CACNA1A: variants seen among roughly 807,000 people sequenced by gnomAD.
The protein encoded by CACNA1A is voltage-dependent P/Q-type calcium channel subunit alpha-1A.
Under a neutral mutation model 262.4 loss-of-function variants are expected in CACNA1A, and 57 were observed. That is an observed-to-expected ratio of 0.22 (90% CI 0.18 to 0.27). The LOEUF is 0.27. Ranked by LOEUF, CACNA1A falls within the 10% of genes least tolerant of loss-of-function variation. The pLI, the probability that CACNA1A is intolerant of heterozygous loss-of-function variation, is 1.00. For missense variants in CACNA1A, 2,526 were observed against 3,562.8 expected, an observed-to-expected ratio of 0.71 and a Z score of 7.41; for synonymous variants, 1,431 against 1,419.3, an observed-to-expected ratio of 1.01 and a Z score of -0.18.
At chr19:13,299,801 G>A (rs550016120) in intron 18 of CACNA1A, among the ~76,000 whole-genome samples, 2 of 152,100 alleles carry the variant, frequency 1.3e-5, no homozygotes, top group Non-Finnish European at 2.9e-5. Flanking sequence ...TAGGTGAGCA[G>A]TCCCCAACCT....
At chr19:13,501,246 C>T (rs1053796651) in intron 1 of CACNA1A, among the ~76,000 whole-genome samples, 13 of 151,108 alleles carry the variant, frequency 8.6e-5, no homozygotes, top group Non-Finnish European at 1.6e-4. Flanking sequence ...GGTGCAATCT[C>T]GGCTCACTGC....
intron 3 of CACNA1A, among the ~76,000 whole-genome samples, chr19:13,374,550 C>T (rs1160688038): frequency 6.6e-6 from 1 of 151,858 alleles, no homozygotes; most frequent in Non-Finnish European, 1.5e-5. Flanking sequence ...GCACTTGGCC[C>T]ATTCAACTTT....
At chr19:13,273,646 T>C (rs2057077098) in intron 24 of CACNA1A, 1 of 143,820 alleles carries the variant, frequency 7.0e-6, no homozygotes, top group South Asian at 2.3e-4. Flanking sequence ...ACAGAACAGC[T>C]TGCTAAACCT....
chr19:13,350,936 A>AG (rs79823083), intron 6 of CACNA1A, among the ~76,000 whole-genome samples: 37,104 of 152,096 alleles, frequency 0.24, 5,858 homozygotes, highest in East Asian at 0.63. Context: ...CAGGAGTTTG[A>AG]GCTGCAGTGA....
At position 13,283,384 on chromosome 19, in the gene CACNA1A, C is replaced by T. The variant is rs369635454; in HGVS notation, c.3705G>A (p.Leu1235=). ...AGCGCAGGTTCAGGATGTAATGGCA[C>T]AGGCGGCGAAGGCTGTTGGAGACAG... The part of the protein sequence containing the change: ...ILSTTNPLRR[L]CHYILNLRYF... The change falls in exon 22 of 47, where the codon CTG becomes CTA. Residue 1235 remains leucine, a synonymous_variant. Transcript: ENST00000360228. The T allele has an allele frequency of 5.0e-6, 8 of 1,613,846 alleles. No homozygotes were observed. The highest frequency in any genetic ancestry group is 4.0e-5 in the African/African-American group (3 of 74,906).
intron 1 of CACNA1A, among the ~76,000 whole-genome samples, chr19:13,487,123 CATT>C (rs1213594272): frequency 2.6e-5 from 4 of 152,238 alleles, no homozygotes; most frequent in Admixed American, 1.3e-4. Context: ...CTCTCCCCAT[CATT>C]AATTTCACTA....
intron 15 of CACNA1A, among the ~76,000 whole-genome samples, chr19:13,305,843 C>T (rs926443528): frequency 5.9e-5 from 9 of 152,078 alleles, no homozygotes; most frequent in Middle Eastern, 3.2e-3. Flanking sequence ...AGGCAGATCA[C>T]GAGGCCAGGA....
At chr19:13,274,062 G>C (rs2057089604) in intron 24 of CACNA1A, 1 of 152,000 alleles carries the variant, frequency 6.6e-6, no homozygotes, top group African/African-American at 2.4e-5. Context: ...TAGTCAAATA[G>C]ACACTGAAAA....
intron 29 of CACNA1A, 37 bp from the exon 30 acceptor site, chr19:13,253,138 G>A (rs756289077): frequency 7.3e-7 from 1 of 1,370,504 alleles, no homozygotes; most frequent in Non-Finnish European, 1.0e-6. Flanking sequence ...GGGTCAGCGA[G>A]CAGGGGTGGG....
intron 1 of CACNA1A, among the ~76,000 whole-genome samples, chr19:13,458,829 A>G (rs1213976054): frequency 1.3e-5 from 2 of 152,206 alleles, no homozygotes; most frequent in Admixed American, 1.3e-4. Context: ...CCACGCCAAC[A>G]GGCTCTGCAT....
intron 3 of CACNA1A, among the ~76,000 whole-genome samples, chr19:13,406,465 TTATATATATA>T (rs61273249): frequency 0.011 from 362 of 31,544 alleles, 6 homozygotes; most frequent in East Asian, 0.025. Context: ...AAAAAAAAAA[TTATATATATA>T]TATATATATA....
chr19:13,360,563 C>T (rs1038991697), intron 5 of CACNA1A, among the ~76,000 whole-genome samples: 12 of 151,048 alleles, frequency 7.9e-5, no homozygotes, highest in East Asian at 7.8e-4. Context: ...CTACAATCTC[C>T]GACTCCCAGG....
chr19:13,385,547 C>T (rs1375720333), intron 3 of CACNA1A, among the ~76,000 whole-genome samples: 1 of 152,016 alleles, frequency 6.6e-6, no homozygotes, highest in Admixed American at 6.6e-5. Context: ...TTTTTAGAGA[C>T]AGAGTCCTAG....
At chr19:13,228,127 C>CA (rs2055534639) in intron 36 of CACNA1A, among the ~76,000 whole-genome samples, 1 of 151,970 alleles carries the variant, frequency 6.6e-6, no homozygotes, top group African/African-American at 2.4e-5. Context: ...AGGCTGGTCT[C>CA]AAACTCCTGG....
intron 1 of CACNA1A, among the ~76,000 whole-genome samples, chr19:13,499,235 CTTG>C (rs1982052398): frequency 6.6e-6 from 1 of 151,970 alleles, no homozygotes; most frequent in African/African-American, 2.4e-5. Context: ...ACTCCCTCAC[CTTG>C]TCACCCACAG....
rs762006290 is a variant in CACNA1A, at chr19:13,286,653, C to T, written c.3403G>A (p.Gly1135Ser). 2.1e-5 allele frequency: 33 copies of T among 1,539,116 alleles called. No homozygotes were observed. The highest frequency in any genetic ancestry group is 1.0e-4 in the South Asian group (8 of 79,930). ...PNNPGNPSNP[G>S]PPKTPENSLI... is the part of the protein sequence containing the mutation. The stretch of plus-strand genomic sequence containing the variant: ...CTATTCTCGGGGGTCTTGGGGGGGC[C>T]GGGATTGGATGGGTTCCCCGGGTTG... Residue 1135 changes from glycine to serine, a missense_variant, in exon 20 of 47, where the codon GGC becomes AGC. Around this residue, in one of 17 missense-constraint regions of CACNA1A, gnomAD observed 765 missense variants for 748.6 expected, o/e 1.02. Transcript: ENST00000360228.
intron 24 of CACNA1A, among the ~76,000 whole-genome samples, chr19:13,269,895 G>C (rs1426415460): frequency 6.6e-6 from 1 of 152,140 alleles, no homozygotes; most frequent in Non-Finnish European, 1.5e-5. Flanking sequence ...CGGAGACGAG[G>C]CCACAATCAC....
intron 6 of CACNA1A, among the ~76,000 whole-genome samples, chr19:13,348,800 T>A (rs1274354008): frequency 6.6e-6 from 1 of 151,888 alleles, no homozygotes. Flanking sequence ...CACGCCACTG[T>A]ACTCCAGCCT....
At chr19:13,305,752 C>A (rs758123379) in intron 15 of CACNA1A, among the ~76,000 whole-genome samples, 1 of 152,092 alleles carries the variant, frequency 6.6e-6, no homozygotes, top group East Asian at 1.9e-4. Flanking sequence ...ACATGACTAG[C>A]GATCAGTGCT....
Sources: gnomAD v4.1 joint callset for allele counts (sites outside exome capture counted in the v4.1 genomes callset) on GRCh38, gnomAD v4.1.1 for gene constraint, gnomAD v4.1.1 regional missense constraint, MANE v1.5 for transcripts, NCBI Gene and HGNC (gene_info 2026-07-23, HGNC 2026-07-21) for gene names.